MED13L: variants seen among roughly 807,000 people sequenced by gnomAD.
The protein encoded by MED13L is mediator of RNA polymerase II transcription subunit 13-like.
A neutral mutation model predicts 220.9 loss-of-function variants in MED13L; 7 were observed. The observed-to-expected ratio is 0.03, with a 90% CI of 0.02 to 0.06. MED13L has a LOEUF of 0.06. MED13L is among the 10% of genes least tolerant of loss of function. MED13L has a pLI of 1.00. For synonymous variants in MED13L, 1,011 were observed against 1,015.2 expected (o/e 1.00, Z 0.08); for missense variants, 1,965 against 2,760.5 (o/e 0.71, Z 6.46).
chr12:116,174,341 A>C (rs1007858493), intron 2 of MED13L, among the ~76,000 whole-genome samples: 29 of 152,326 alleles, frequency 1.9e-4, no homozygotes, highest in Non-Finnish European at 2.5e-4. Context: ...GGTAAATGAT[A>C]ATTCTAAGAC....
chr12:116,074,994 G>A (rs913944294), intron 4 of MED13L, among the ~76,000 whole-genome samples: 1 of 152,244 alleles, frequency 6.6e-6, no homozygotes, highest in Non-Finnish European at 1.5e-5. Context: ...CTTCTTCAAA[G>A]CCTAGAAGGC....
At chr12:115,996,961 C>G (rs1351102148) in intron 15 of MED13L, 49 bp downstream of exon 15, 2 of 1,540,642 alleles carry the variant, frequency 1.3e-6, no homozygotes, top group Non-Finnish European at 1.8e-6. Flanking sequence ...GTATGTGAAT[C>G]CACTTGGAAA....
At chr12:116,213,538 G>A (rs943586352) in intron 2 of MED13L, among the ~76,000 whole-genome samples, 32 of 152,218 alleles carry the variant, frequency 2.1e-4, no homozygotes, top group African/African-American at 5.5e-4. Flanking sequence ...AGCCTCCCAA[G>A]TAGCTGGGAT....
intron 4 of MED13L, among the ~76,000 whole-genome samples, chr12:116,091,263 T>C (rs1045044813): frequency 2.5e-4 from 38 of 152,228 alleles, no homozygotes; most frequent in Middle Eastern, 3.4e-3. Context: ...ATATTTTACT[T>C]TAAAGTGTAA....
At chr12:116,124,123 C>CA (rs1555213726) in intron 2 of MED13L, among the ~76,000 whole-genome samples, 6,855 of 133,676 alleles carry the variant, frequency 0.051, 357 homozygotes, top group African/African-American at 0.12. Context: ...GAGAGAAAGA[C>CA]GAGAGAGAGA....
chr12:116,178,575 T>C (rs1880255526), intron 2 of MED13L, among the ~76,000 whole-genome samples: 1 of 152,222 alleles, frequency 6.6e-6, no homozygotes. Flanking sequence ...AGAACATGAA[T>C]ATATCTTTGT....
chr12:116,008,978 G>A lies in MED13L; in HGVS notation c.1435C>T (p.Leu479=). The change falls in exon 10 of 31, where the codon CTG becomes TTG. Residue 479 remains leucine, a synonymous_variant. Coordinates refer to ENST00000281928, the MANE Select transcript of MED13L (RefSeq NM_015335.5). ...AATGGTATTAAGGGTCTCTTTTGCA[G>A]CTTGTCTCCTTTTTCCTGTCTTTCT... ...TAERQEKGDK[L]QKRPLIPFHH... 6.2e-7 allele frequency: 1 copy of A among 1,614,102 alleles called. No individual in the cohort carries two copies. The highest frequency in any genetic ancestry group is 8.5e-7 in the Non-Finnish European group (1 of 1,180,004).
intron 9 of MED13L, 108 bp from the exon 10 acceptor site, chr12:116,009,240 G>C (rs1879243546): frequency 9.3e-7 from 1 of 1,077,486 alleles, no homozygotes; most frequent in South Asian, 1.4e-5. Context: ...CATATAAAAG[G>C]GCTCTAAGTT....
chr12:116,215,212 A>C (rs1301685705), intron 2 of MED13L, among the ~76,000 whole-genome samples: 1 of 152,226 alleles, frequency 6.6e-6, no homozygotes, highest in East Asian at 1.9e-4. Context: ...CAAATGGAGT[A>C]GTCTAAATGA....
At chr12:116,182,914 C>T (rs139683426) in intron 2 of MED13L, among the ~76,000 whole-genome samples, 1 of 152,266 alleles carries the variant, frequency 6.6e-6, no homozygotes, top group Non-Finnish European at 1.5e-5. Context: ...AGGTATGCAG[C>T]TTATCTCCCC....
intron 2 of MED13L, among the ~76,000 whole-genome samples, chr12:116,231,717 C>G (rs969109746): frequency 1.3e-5 from 2 of 152,146 alleles, no homozygotes; most frequent in Non-Finnish European, 2.9e-5. Flanking sequence ...TAAAAGAGTG[C>G]TTCACATTCT....
intron 4 of MED13L, among the ~76,000 whole-genome samples, chr12:116,033,866 T>C (rs1881008344): frequency 6.6e-6 from 1 of 152,172 alleles, no homozygotes; most frequent in African/African-American, 2.4e-5. Flanking sequence ...AACATAAACC[T>C]ATTCCCTCCT....
intron 2 of MED13L, among the ~76,000 whole-genome samples, chr12:116,121,927 A>C (rs890423534): frequency 1.3e-5 from 2 of 152,156 alleles, no homozygotes; most frequent in African/African-American, 4.8e-5. Flanking sequence ...ATTTCACTCG[A>C]AACTCCAGAA....
rs545781127 is a variant in MED13L, at chr12:116,042,877, G to A, written c.480-20276C>T. Among the ~76,000 whole-genome samples, 4 of 152,210 alleles carry A rather than the reference G, an allele frequency of 2.6e-5. No individual in the cohort carries two copies. In the South Asian group the frequency reaches 8.3e-4, roughly 32 times the overall value. ...TATAAAAAGAAGGAAATTTTATCTG[G>A]GTATGGTGCCATTACACTGTTTACC... On this transcript the variant is annotated intron_variant, in intron 4 of 30. Transcript: ENST00000281928.
intron 2 of MED13L, among the ~76,000 whole-genome samples, chr12:116,165,665 C>T (rs913735552): frequency 1.7e-4 from 26 of 152,116 alleles, no homozygotes; most frequent in Admixed American, 1.7e-3. Context: ...CTTCTGCCAC[C>T]TTGCACATTG....
intron 3 of MED13L, among the ~76,000 whole-genome samples, chr12:116,102,674 A>G (rs1475300983): frequency 7.0e-6 from 1 of 143,310 alleles, no homozygotes; most frequent in African/African-American, 2.6e-5. Flanking sequence ...ACCTTTCCCG[A>G]GTAATCCCTA....
Position 115,984,382 on chromosome 12 carries a change from T to TA in MED13L, c.4339-11dup. On this transcript the variant is annotated splice_polypyrimidine_tract_variant and intron_variant, in intron 19 of 30. Transcript: ENST00000281928. ...GCCCAAGCCTACACATCTGATATCA[T>TA]AGACAAGATCATTAGTTATAACAGG... 6.2e-7 allele frequency: 1 copy of TA among 1,613,870 alleles called. No individual in the cohort carries two copies. The highest frequency in any genetic ancestry group is 2.2e-5 in the East Asian group (1 of 44,868).
At chr12:116,094,192 G>A (rs1281254565) in intron 4 of MED13L, among the ~76,000 whole-genome samples, 1 of 152,164 alleles carries the variant, frequency 6.6e-6, no homozygotes, top group Non-Finnish European at 1.5e-5. Flanking sequence ...AGAATAAAAG[G>A]AGGAAAAGTC....
intron 4 of MED13L, among the ~76,000 whole-genome samples, chr12:116,041,790 G>A (rs894968145): frequency 3.3e-5 from 5 of 152,164 alleles, no homozygotes; most frequent in South Asian, 2.1e-4. Flanking sequence ...AGCCAAGATC[G>A]TGCCACTGCA....
Sources: gnomAD v4.1 joint callset for allele counts (sites outside exome capture counted in the v4.1 genomes callset) on GRCh38, gnomAD v4.1.1 for gene constraint, MANE v1.5 for transcripts, NCBI Gene and HGNC (gene_info 2026-07-23, HGNC 2026-07-21) for gene names.